DLG2: variants seen among roughly 807,000 people sequenced by gnomAD.
DLG2 encodes the protein disks large homolog 2.
In DLG2, 45 loss-of-function variants were observed where a neutral mutation model predicts 132.5. The observed-to-expected ratio is 0.34, with a 90% CI of 0.27 to 0.44. DLG2 has a LOEUF of 0.44. Ranked by LOEUF, DLG2 falls within the 20% of genes least tolerant of loss-of-function variation. The pLI, the probability that DLG2 is intolerant of heterozygous loss-of-function variation, is 1.00. For synonymous variants in DLG2, 424 were observed against 419.6 expected, an observed-to-expected ratio of 1.01 and a Z score of -0.13; for missense variants, 1,045 against 1,196.9, an observed-to-expected ratio of 0.87 and a Z score of 1.87.
chr11:84,298,638 G>A (rs533572146), intron 7 of DLG2, among the ~76,000 whole-genome samples: 6 of 152,340 alleles, frequency 3.9e-5, no homozygotes, highest in African/African-American at 1.4e-4. Flanking sequence ...TAACTACAAT[G>A]CTAAGTGTAA....
At chr11:85,265,981 C>T (rs2077186954) in intron 4 of DLG2, among the ~76,000 whole-genome samples, 1 of 152,220 alleles carries the variant, frequency 6.6e-6, no homozygotes. Flanking sequence ...GAAAAGAATT[C>T]AGGACCCACC....
intron 6 of DLG2, among the ~76,000 whole-genome samples, chr11:85,035,585 A>G (rs1025925157): frequency 6.6e-6 from 1 of 152,170 alleles, no homozygotes; most frequent in Non-Finnish European, 1.5e-5. Flanking sequence ...ACCTTCCACC[A>G]AGTCCCTCTT....
chr11:84,332,740 C>G (rs1041915191), intron 7 of DLG2, among the ~76,000 whole-genome samples: 2 of 152,116 alleles, frequency 1.3e-5, no homozygotes, highest in African/African-American at 2.4e-5. Context: ...TGGTCTTTGT[C>G]TATGAGGTAG....
intron 6 of DLG2, among the ~76,000 whole-genome samples, chr11:84,850,427 G>T (rs1414110551): frequency 6.6e-6 from 1 of 152,104 alleles, no homozygotes; most frequent in African/African-American, 2.4e-5. Context: ...ACTTTTATGG[G>T]ATACTCACAG....
chr11:85,207,146 A>G (rs979526855), intron 4 of DLG2, among the ~76,000 whole-genome samples: 1 of 152,188 alleles, frequency 6.6e-6, no homozygotes, highest in Admixed American at 6.5e-5. Context: ...TTGCTCATCC[A>G]TAATTCATAT....
chr11:84,307,660 C>T (rs920850559), intron 7 of DLG2, among the ~76,000 whole-genome samples: 3 of 137,512 alleles, frequency 2.2e-5, no homozygotes, highest in Non-Finnish European at 1.5e-5. Context: ...CGCGCCACTG[C>T]AGTCCGGCCT....
At chr11:84,760,991 T>C (rs1208598801) in intron 6 of DLG2, among the ~76,000 whole-genome samples, 1 of 152,128 alleles carries the variant, frequency 6.6e-6, no homozygotes, top group African/African-American at 2.4e-5. Context: ...CACCCACGTG[T>C]GATCTGATTC....
intron 14 of DLG2, among the ~76,000 whole-genome samples, chr11:83,952,493 A>G (rs1395212579): frequency 6.6e-6 from 1 of 152,246 alleles, no homozygotes; most frequent in African/African-American, 2.4e-5. Flanking sequence ...TATTAAATAC[A>G]TATATAATCA....
chr11:85,568,429 C>A (rs1371780738), intron 3 of DLG2, among the ~76,000 whole-genome samples: 1 of 152,026 alleles, frequency 6.6e-6, no homozygotes, highest in East Asian at 1.9e-4. Flanking sequence ...GTAATATGGA[C>A]CTCATAGAAT....
At chr11:84,295,697 C>T (rs1170787849) in intron 7 of DLG2, among the ~76,000 whole-genome samples, 10 of 152,190 alleles carry the variant, frequency 6.6e-5, no homozygotes, top group Non-Finnish European at 1.2e-4. Flanking sequence ...CTGGTTTCTA[C>T]TTCTGTGCCT....
chr11:85,513,479 T>C (rs746139472), intron 3 of DLG2, among the ~76,000 whole-genome samples: 25 of 152,062 alleles, frequency 1.6e-4, no homozygotes, highest in Non-Finnish European at 3.4e-4. Context: ...ACCAATACTA[T>C]GTCACATGAA....
rs149310344 is a variant in DLG2 at position 83,463,184 on chromosome 11, G to A, written c.2730-1091C>T. Among the ~76,000 whole-genome samples the A allele has an allele frequency of 9.9e-5, 15 of 151,400 alleles. No individual in the cohort carries two copies. The East Asian group carries it at 2.9e-3, about 29-fold the overall frequency. On this transcript the variant is annotated intron_variant, in intron 26 of 27. Transcript: ENST00000376104. ...TCTGGGGTAAGAACTCAAGGTTTTG[G>A]TTTTTTAAACCAATTTTCAGTTAGA...
intron 3 of DLG2, among the ~76,000 whole-genome samples, chr11:85,361,301 G>A (rs1480117956): frequency 8.9e-6 from 1 of 112,644 alleles, no homozygotes; most frequent in Non-Finnish European, 1.9e-5. Context: ...TTATTCCACA[G>A]ACTTTTCTAT....
At chr11:84,654,459 T>G (rs1387310908) in intron 6 of DLG2, among the ~76,000 whole-genome samples, 1 of 152,220 alleles carries the variant, frequency 6.6e-6, no homozygotes, top group African/African-American at 2.4e-5. Flanking sequence ...CTTTGATCCC[T>G]ACTTTCTTAT....
intron 6 of DLG2, among the ~76,000 whole-genome samples, chr11:84,633,968 G>A (rs1463172420): frequency 1.3e-5 from 2 of 152,174 alleles, no homozygotes; most frequent in Admixed American, 6.5e-5. Context: ...GGATAATGGG[G>A]AGACCAGAAT....
intron 4 of DLG2, among the ~76,000 whole-genome samples, chr11:85,271,432 C>G (rs573497238): frequency 8.5e-5 from 13 of 152,350 alleles, no homozygotes; most frequent in African/African-American, 1.2e-4. Flanking sequence ...TGCCCCCACA[C>G]AGAGTCCCCA....
chr11:84,268,713 A>G (rs1008168468), intron 7 of DLG2, among the ~76,000 whole-genome samples: 1 of 152,014 alleles, frequency 6.6e-6, no homozygotes, highest in African/African-American at 2.4e-5. Flanking sequence ...CGCCCGCCTC[A>G]GCCTCCCAAA....
intron 7 of DLG2, among the ~76,000 whole-genome samples, chr11:84,510,550 T>A (rs1047733986): frequency 1.3e-4 from 20 of 152,242 alleles, no homozygotes; most frequent in Admixed American, 3.9e-4. Flanking sequence ...ATTTTTTTCA[T>A]TTGTAAAATG....
At chr11:84,619,321 ATATAT>A (rs774882058) in intron 6 of DLG2, among the ~76,000 whole-genome samples, 57 of 152,026 alleles carry the variant, frequency 3.7e-4, no homozygotes, top group Non-Finnish European at 7.5e-4. Context: ...ACTGCATATC[ATATAT>A]TATATAATAC....
Sources: allele counts gnomAD v4.1 joint callset (sites outside exome capture counted in the v4.1 genomes callset), GRCh38; gene constraint gnomAD v4.1.1; transcripts MANE v1.5; gene names NCBI Gene and HGNC (gene_info 2026-07-23, HGNC 2026-07-21).